ADAMTSL1: variants seen among roughly 807,000 people sequenced by gnomAD.
ADAMTSL1 encodes ADAMTS like 1.
A neutral mutation model predicts 201.8 loss-of-function variants in ADAMTSL1; 126 were observed. The observed-to-expected ratio is 0.62, with a 90% confidence interval of 0.54 to 0.72. The LOEUF (loss-of-function observed/expected upper bound fraction) is 0.72, where lower values mean the gene tolerates loss of function less well. ADAMTSL1 is among the 30% of genes least tolerant of loss of function. The pLI is 0.00. For synonymous variants in ADAMTSL1, 1,121 were observed against 903.4 expected, an observed-to-expected ratio of 1.24 and a Z score of -4.32; for missense variants, 2,679 against 2,277.8, an observed-to-expected ratio of 1.18 and a Z score of -3.59.
rs35417806 is a variant in ADAMTSL1, at chr9:18,536,927, G to GTT, written c.237+3642_237+3643dup. Among the ~76,000 whole-genome samples, 314 of 151,818 alleles carry GTT rather than the reference G, an allele frequency of 2.1e-3. 1 individual carries two copies. Among genetic ancestry groups the GTT allele is most frequent in the Non-Finnish European group, 3.2e-3 (214 of 67,908 alleles). ...AATGTGTTTAGAGTACTTATAAACT[G>GTT]TTTTTTTTGCACTATCCTTAAGGTT... On this transcript the variant is annotated intron_variant, in intron 3 of 28. Coordinates refer to ENST00000380548, the MANE Select transcript of ADAMTSL1 (RefSeq NM_001040272.6).
At chr9:18,419,695 CA>C (rs1818851991) in intron 2 of ADAMTSL1, among the ~76,000 whole-genome samples, 1 of 148,390 alleles carries the variant, frequency 6.7e-6, no homozygotes, top group African/African-American at 2.5e-5. Flanking sequence ...AAGTCAATGT[CA>C]AAAAATTGCA....
In ADAMTSL1 at chr9:18,777,267, T is replaced by C. The variant is rs1351526331; in HGVS notation, c.3038T>C (p.Leu1013Pro). 1.9e-6 allele frequency: 3 copies of C among 1,610,172 alleles called. No individual in the cohort carries two copies. The highest frequency in any genetic ancestry group is 1.3e-5 in the African/African-American group (1 of 74,900). The change falls in exon 19 of 29, where the codon CTG becomes CCG. Residue 1013 changes from leucine to proline, a missense_variant. Leu to Pro is a moderately conservative substitution (Grantham distance 98). Transcript: ENST00000380548. The stretch of plus-strand genomic sequence containing the variant: ...GGCAGCAAGGCGGAGAAGCGGGGCC[T>C]GGCCGCCAACCCGGGGAGCCGCTAC... ...SNGSKAEKRG[L>P]AANPGSRYDD...
At chr9:18,137,579 C>A (rs1024393596) in intron 1 of ADAMTSL1, among the ~76,000 whole-genome samples, 1 of 152,100 alleles carries the variant, frequency 6.6e-6, no homozygotes, top group African/African-American at 2.4e-5. Context: ...TAAGAAAACA[C>A]TTTATGGCTC....
chr9:18,672,522 A>G (rs564089016), intron 9 of ADAMTSL1, among the ~76,000 whole-genome samples: 2 of 152,292 alleles, frequency 1.3e-5, no homozygotes, highest in African/African-American at 2.4e-5. Flanking sequence ...ATATGCATGT[A>G]TACATCTGTG....
intron 5 of ADAMTSL1, among the ~76,000 whole-genome samples, chr9:18,625,908 A>G (rs1826330646): frequency 6.6e-6 from 1 of 152,206 alleles, no homozygotes; most frequent in South Asian, 2.1e-4. Context: ...TGTGCTTCTC[A>G]GACTGTGGCT....
At chr9:18,394,764 T>G (rs183492627) in intron 2 of ADAMTSL1, among the ~76,000 whole-genome samples, 1 of 152,262 alleles carries the variant, frequency 6.6e-6, no homozygotes, top group East Asian at 1.9e-4. Context: ...TTAGACAACA[T>G]GAGACAGTAT....
intron 23 of ADAMTSL1, among the ~76,000 whole-genome samples, chr9:18,853,230 A>C (rs1294288127): frequency 1.3e-5 from 2 of 152,322 alleles, no homozygotes; most frequent in African/African-American, 4.8e-5. Flanking sequence ...GTGACTGCCC[A>C]ACAGGTTGTT....
intron 2 of ADAMTSL1, among the ~76,000 whole-genome samples, chr9:18,532,710 TC>T (rs1402678055): frequency 4.0e-5 from 6 of 151,742 alleles, no homozygotes; most frequent in African/African-American, 1.4e-4. Context: ...ACAGGGGACT[TC>T]TTTTTTTTTC....
At chr9:18,733,321 GT>G (rs1219117414) in intron 15 of ADAMTSL1, among the ~76,000 whole-genome samples, 1 of 152,198 alleles carries the variant, frequency 6.6e-6, no homozygotes, top group African/African-American at 2.4e-5. Context: ...CTTGGAGAAA[GT>G]GAGCATTTGA....
chr9:18,691,703 G>C (rs1341337524), intron 13 of ADAMTSL1, among the ~76,000 whole-genome samples: 2 of 152,102 alleles, frequency 1.3e-5, no homozygotes, highest in East Asian at 1.9e-4. Context: ...CTAAAAGTGT[G>C]GGCCCCAGGG....
At chr9:18,113,456 G>C (rs1165348600) in intron 1 of ADAMTSL1, among the ~76,000 whole-genome samples, 8 of 152,176 alleles carry the variant, frequency 5.3e-5, no homozygotes, top group African/African-American at 1.2e-4. Context: ...AGATGAGGCA[G>C]AAGAAAGTCA....
At chr9:18,087,855 C>T (rs1422927385) in intron 1 of ADAMTSL1, among the ~76,000 whole-genome samples, 2 of 152,084 alleles carry the variant, frequency 1.3e-5, no homozygotes, top group African/African-American at 2.4e-5. Context: ...CAGTATTAGT[C>T]ACTTATCTGT....
intron 7 of ADAMTSL1, among the ~76,000 whole-genome samples, chr9:18,640,985 C>A (rs2132816468): frequency 6.6e-6 from 1 of 152,128 alleles, no homozygotes; most frequent in South Asian, 2.1e-4. Flanking sequence ...GAAGACAAAT[C>A]CATAGCCACA....
chr9:18,430,113 G>T (rs1819418437), intron 2 of ADAMTSL1, among the ~76,000 whole-genome samples: 1 of 151,958 alleles, frequency 6.6e-6, no homozygotes, highest in South Asian at 2.1e-4. Flanking sequence ...TTTTAAACAG[G>T]ACTTCTTAAA....
chr9:18,781,562 C>G (rs1020225054), intron 19 of ADAMTSL1, among the ~76,000 whole-genome samples: 4 of 152,216 alleles, frequency 2.6e-5, no homozygotes, highest in African/African-American at 9.6e-5. Context: ...GCCATTAGGA[C>G]TGCTTTGCTG....
At chr9:18,840,783 A>C (rs1341373485) in intron 23 of ADAMTSL1, among the ~76,000 whole-genome samples, 3 of 149,338 alleles carry the variant, frequency 2.0e-5, no homozygotes, top group African/African-American at 7.4e-5. Context: ...TAGGTATTTT[A>C]TTCTCTTTGA....
At chr9:18,334,201 G>T (rs1835140433) in intron 2 of ADAMTSL1, among the ~76,000 whole-genome samples, 1 of 152,074 alleles carries the variant, frequency 6.6e-6, no homozygotes. Context: ...GTGCCTAAAT[G>T]GTCTGCCTTT....
chr9:17,930,788 A>G (rs1461344194), intron 1 of ADAMTSL1, among the ~76,000 whole-genome samples: 1 of 152,210 alleles, frequency 6.6e-6, no homozygotes, highest in Non-Finnish European at 1.5e-5. Context: ...GGAACCAGTT[A>G]GAAATGCACT....
intron 1 of ADAMTSL1, among the ~76,000 whole-genome samples, chr9:17,987,033 A>C (rs958563575): frequency 2.0e-5 from 3 of 152,140 alleles, no homozygotes; most frequent in Non-Finnish European, 4.4e-5. Context: ...AAGAGTTCCC[A>C]CTAATCCCTT....
Sources: gnomAD v4.1 joint callset for allele counts (sites outside exome capture counted in the v4.1 genomes callset) on GRCh38, gnomAD v4.1.1 for gene constraint, MANE v1.5 for transcripts, NCBI Gene and HGNC (gene_info 2026-07-23, HGNC 2026-07-21) for gene names.